The following LRRFIP2 variants were observed in gnomAD, a reference collection of about 807,000 sequenced individuals.
LRRFIP2 encodes leucine-rich repeat flightless-interacting protein 2.
Under a neutral mutation model 125.9 loss-of-function variants are expected in LRRFIP2, and 109 were observed. The ratio of observed to expected loss-of-function variants is 0.87; its 90% confidence interval spans 0.74 to 1.01. The LOEUF (loss-of-function observed/expected upper bound fraction) is 1.01. Ranked by LOEUF, LRRFIP2 falls within the 50% of genes least tolerant of loss-of-function variation. LRRFIP2 has a pLI of 0.00. For synonymous variants in LRRFIP2, 291 were observed against 293.1 expected (o/e 0.99, Z 0.07); for missense variants, 850 against 862.3 (o/e 0.99, Z 0.18).
Position 37,102,973 on chromosome 3 carries a change from C to T in LRRFIP2, c.824G>A (p.Gly275Glu). ...ADYFSRSNRR[G>E]SVVSEVDDIS... The stretch of plus-strand genomic sequence containing the variant: ...ATCATCCACCTCAGAGACAACACTT[C>T]CCCTACGATTGGAGCGACTGAAATA... Residue 275 changes from glycine (G) to glutamate (E), a missense_variant, in exon 15 of 28, where the codon GGA (glycine) becomes GAA (glutamate). By Grantham distance (98) the Gly-to-Glu change is moderately conservative. Coordinates refer to ENST00000336686, the MANE Select transcript of LRRFIP2 (RefSeq NM_006309.4). 6.4e-7 allele frequency: 1 copy of T among 1,566,754 alleles called. No individual in the cohort carries two copies. The highest frequency in any genetic ancestry group is 1.3e-5 in the African/African-American group (1 of 74,124).
intron 1 of LRRFIP2, among the ~76,000 whole-genome samples, chr3:37,167,966 AC>A (rs1578067532): frequency 6.6e-6 from 1 of 152,174 alleles, no homozygotes; most frequent in African/African-American, 2.4e-5. Context: ...ACAGAGTGAG[AC>A]CCTGGCTCAA....
chr3:37,105,468 C>T lies in LRRFIP2; in HGVS notation c.770G>A (p.Arg257Gln), dbSNP rs957662754. Reference protein sequence around the residue: ...IVSSDRASRGRRESVVSAADY... With the variant: ...IVSSDRASRGQRESVVSAADY... ...AATCATGCTCACCACACTCTCCCTT[C>T]GTCCACGACTGGCACGATCAGAAGA... The change falls in exon 14 of 28, where the codon CGA becomes CAA. Residue 257 changes from arginine to glutamine, a missense_variant. Arg to Gln is a conservative substitution (Grantham distance 43). Transcript: ENST00000336686. The T allele has an allele frequency of 9.3e-6, 15 of 1,613,798 alleles. No homozygotes were observed. Among genetic ancestry groups the T allele is most frequent in the East Asian group, 2.2e-5 (1 of 44,860 alleles).
intron 25 of LRRFIP2, among the ~76,000 whole-genome samples, chr3:37,056,175 T>G (rs1023358535): frequency 6.6e-6 from 1 of 152,206 alleles, no homozygotes; most frequent in African/African-American, 2.4e-5. Context: ...TAATGTGTTA[T>G]GGGTAGAGCT....
At chr3:37,106,451 C>A (rs2094327836) in intron 13 of LRRFIP2, among the ~76,000 whole-genome samples, 2 of 152,148 alleles carry the variant, frequency 1.3e-5, no homozygotes, top group Non-Finnish European at 2.9e-5. Context: ...AATAGTTATT[C>A]TAACCCCAAC....
chr3:37,097,553 G>A (rs2093787283), intron 15 of LRRFIP2, among the ~76,000 whole-genome samples: 1 of 152,070 alleles, frequency 6.6e-6, no homozygotes, highest in Non-Finnish European at 1.5e-5. Context: ...AAATTTGTTG[G>A]ATGAATGAAT....
intron 21 of LRRFIP2, among the ~76,000 whole-genome samples, chr3:37,069,098 G>A (rs1559694276): frequency 6.6e-6 from 1 of 152,172 alleles, no homozygotes; most frequent in Non-Finnish European, 1.5e-5. Context: ...ACAAATGTTG[G>A]CAAGGACATG....
chr3:37,083,777 G>A lies in LRRFIP2; in HGVS notation c.1137C>T (p.Tyr379=). ...GTGCATTGGAAACCATGGCTTTCTT[G>A]TATTTTTCTTCCACTTCAGACAAAG... The part of the protein sequence containing the change: ...KESLSEVEEK[Y]KKAMVSNAQL... Residue 379 remains tyrosine, a synonymous_variant, in exon 19 of 28, where the codon TAC becomes TAT. Coordinates refer to ENST00000336686, the MANE Select transcript of LRRFIP2 (RefSeq NM_006309.4). 1 of 1,589,834 alleles carries A rather than the reference G, an allele frequency of 6.3e-7. No individual in the cohort carries two copies. Among genetic ancestry groups the A allele is most frequent in the South Asian group, 1.2e-5 (1 of 85,420 alleles).
At position 37,058,835 on chromosome 3, in the gene LRRFIP2, C is replaced by T. The variant is rs2087696242; in HGVS notation, c.1825G>A (p.Ala609Thr). ...AAGTCTGAGCCATTCTGCAGTCCTG[C>T]CAGGTCACCCACTGTGCCATCATTC... The part of the protein sequence containing the change: ...SRNDGTVGDL[A>T]GLQNGSDLQF... The change falls in exon 25 of 28, where the codon GCA becomes ACA. Residue 609 changes from alanine to threonine, a missense_variant. By Grantham distance (58) the Ala-to-Thr change is moderately conservative. Transcript: ENST00000336686. 2 of 1,614,104 alleles carry T rather than the reference C, an allele frequency of 1.2e-6. No homozygotes were observed. Among genetic ancestry groups the T allele is most frequent in the Admixed American group, 1.7e-5 (1 of 60,020 alleles).
rs116288941 is a variant in LRRFIP2 at position 37,117,170 on chromosome 3, T to A, written c.331-2075A>T. On this transcript the variant is annotated intron_variant, in intron 6 of 27. Transcript: ENST00000336686. ...CCATGACCAAAACATATTACTCAAG[T>A]CACACATTCTAGCAGATAAGCTATT... is the stretch of plus-strand genomic sequence containing the variant. Among the ~76,000 whole-genome samples the A allele has an allele frequency of 6.5e-3, 979 of 150,550 alleles. 10 individuals carry two copies. The highest frequency in any genetic ancestry group is 0.023 in the African/African-American group (927 of 41,110).
chr3:37,167,726 G>A (rs998779059), intron 1 of LRRFIP2, among the ~76,000 whole-genome samples: 2 of 151,914 alleles, frequency 1.3e-5, no homozygotes, highest in Admixed American at 1.3e-4. Flanking sequence ...GCTCACACCT[G>A]TAATCCCAGC....
intron 4 of LRRFIP2, among the ~76,000 whole-genome samples, chr3:37,125,805 G>A (rs1165866304): frequency 2.6e-5 from 4 of 152,078 alleles, no homozygotes; most frequent in Admixed American, 6.5e-5. Flanking sequence ...GTGTGTGTAT[G>A]CATCATTTAT....
intron 17 of LRRFIP2, among the ~76,000 whole-genome samples, chr3:37,094,250 T>C (rs2093613226): frequency 6.6e-6 from 1 of 152,196 alleles, no homozygotes; most frequent in Non-Finnish European, 1.5e-5. Flanking sequence ...ATAAAATATA[T>C]ATTTTTTAAA....
intron 2 of LRRFIP2, among the ~76,000 whole-genome samples, chr3:37,130,653 C>T (rs532663383): frequency 5.3e-5 from 8 of 152,182 alleles, no homozygotes; most frequent in Non-Finnish European, 2.9e-5. Flanking sequence ...TCTCTCAGGA[C>T]GTCAATCATC....
chr3:37,141,640 G>A (rs998081834), intron 2 of LRRFIP2, among the ~76,000 whole-genome samples: 2 of 152,212 alleles, frequency 1.3e-5, no homozygotes, highest in Non-Finnish European at 2.9e-5. Context: ...TCCAATGTGT[G>A]TTAATCTGGC....
intron 1 of LRRFIP2, among the ~76,000 whole-genome samples, chr3:37,157,159 A>G (rs2150162040): frequency 6.6e-6 from 1 of 151,204 alleles, no homozygotes. Context: ...AATAAAGATT[A>G]TGGCAGGTCA....
rs531721306 is a variant in LRRFIP2 at position 37,170,058 on chromosome 3, C to G, written c.-56+4481G>C. Among the ~76,000 whole-genome samples the G allele has an allele frequency of 5.9e-5, 9 of 152,200 alleles. No homozygotes were observed. The South Asian group carries it at 1.9e-3, about 32-fold the overall frequency. ...AAGAAAAACTAGTTTATTTTTTCTCCTCACACTGAATCCTAAATACATTAT... is the reference window on the plus strand; with the variant it reads ...AAGAAAAACTAGTTTATTTTTTCTCGTCACACTGAATCCTAAATACATTAT... On this transcript the variant is annotated intron_variant, in intron 1 of 27. Transcript: ENST00000336686.
rs368440441 is a variant in LRRFIP2, at chr3:37,066,238, C to G, written c.1552G>C (p.Val518Leu). ...TGCTAACATACCTCTCCCGTCTTCA[C>G]TGTCTCCTGCAGGTCAGCCAGCTCC... ...REELADLQET[V>L]KTGEKHGLVI... The change falls in exon 22 of 28, where the codon GTG becomes CTG. Residue 518 changes from valine (V) to leucine (L), a missense_variant. By Grantham distance (32) the Val-to-Leu change is conservative. Coordinates refer to ENST00000336686, the MANE Select transcript of LRRFIP2 (RefSeq NM_006309.4). 2.5e-6 allele frequency: 4 copies of G among 1,613,908 alleles called. No individual in the cohort carries two copies. In the African/African-American group the frequency reaches 5.3e-5, roughly 22 times the overall value.
At chr3:37,148,822 A>G (rs1577518086) in intron 2 of LRRFIP2, 72 bp downstream of exon 2, 1 of 1,553,620 alleles carries the variant, frequency 6.4e-7, no homozygotes, top group Non-Finnish European at 8.8e-7. Flanking sequence ...AAACGTCTAT[A>G]TCTCTGTCAA....
intron 18 of LRRFIP2, among the ~76,000 whole-genome samples, chr3:37,084,916 T>C (rs527583094): frequency 2.0e-4 from 30 of 152,130 alleles, no homozygotes; most frequent in Non-Finnish European, 3.7e-4. Flanking sequence ...TAAAAAATAC[T>C]AGCACAAATG....
Sources: allele counts gnomAD v4.1 joint callset (sites outside exome capture counted in the v4.1 genomes callset), GRCh38; gene constraint gnomAD v4.1.1; transcripts MANE v1.5; gene names NCBI Gene and HGNC (gene_info 2026-07-23, HGNC 2026-07-21).